Variants in ADK observed in about 807,000 individuals in gnomAD.
ADK encodes the protein N6,N6-dimethyladenosine kinase.
ADK carries 24 observed loss-of-function variants against 44.7 expected under a neutral mutation model. That is an observed-to-expected ratio of 0.54 (90% CI 0.39 to 0.76). The LOEUF is 0.76. ADK is among the 30% of genes least tolerant of loss of function. The probability of loss-of-function intolerance (pLI) is 0.00; values close to 1 mark genes in which losing one functional copy is unlikely to be tolerated. For missense variants in ADK, 321 were observed against 425.1 expected (o/e 0.76, Z 2.15); for synonymous variants, 128 against 142.6 (o/e 0.90, Z 0.73).
intron 4 of ADK, among the ~76,000 whole-genome samples, chr10:74,382,990 G>A (rs1843023068): frequency 6.6e-6 from 1 of 151,518 alleles, no homozygotes; most frequent in Non-Finnish European, 1.5e-5. Context: ...GCAATGATAG[G>A]GGCCCCTGGA....
At chr10:74,643,993 A>G (rs752527219) in intron 9 of ADK, among the ~76,000 whole-genome samples, 1 of 152,162 alleles carries the variant, frequency 6.6e-6, no homozygotes, top group South Asian at 2.1e-4. Context: ...CTGGGTTTCT[A>G]TCATCCTCTG....
At chr10:74,655,193 G>C in intron 9 of ADK, 1 of 317,704 alleles carries the variant, frequency 3.1e-6, no homozygotes, top group Non-Finnish European at 6.2e-6. Context: ...TCAAGAAGGA[G>C]AAACATGAAA....
chr10:74,391,827 T>C (rs1256849680), intron 4 of ADK, among the ~76,000 whole-genome samples: 1 of 152,150 alleles, frequency 6.6e-6, no homozygotes, highest in Non-Finnish European at 1.5e-5. Flanking sequence ...ACACTGAAAC[T>C]CTGTACCCAT....
chr10:74,577,870 C>T (rs933986819), intron 7 of ADK, among the ~76,000 whole-genome samples: 1 of 152,154 alleles, frequency 6.6e-6, no homozygotes, highest in Non-Finnish European at 1.5e-5. Flanking sequence ...CTTACTCTTA[C>T]CACTTTACTC....
At chr10:74,176,796 T>A in intron 1 of ADK, 1 of 1,596,536 alleles carries the variant, frequency 6.3e-7, no homozygotes, top group South Asian at 1.1e-5. Context: ...AAGCAGTTGC[T>A]GTGGTACCTG....
intron 7 of ADK, among the ~76,000 whole-genome samples, chr10:74,557,165 G>T (rs1850284766): frequency 6.6e-6 from 1 of 152,102 alleles, no homozygotes; most frequent in South Asian, 2.1e-4. Flanking sequence ...GGAAACCAGG[G>T]CTTTATTCTC....
intron 7 of ADK, among the ~76,000 whole-genome samples, chr10:74,561,860 C>G (rs1001635512): frequency 2.6e-5 from 4 of 152,170 alleles, no homozygotes; most frequent in African/African-American, 2.4e-5. Flanking sequence ...AGCCTAAGCT[C>G]TCTTTCAAAG....
At chr10:74,281,031 A>G (rs975446804) in intron 3 of ADK, among the ~76,000 whole-genome samples, 1 of 152,246 alleles carries the variant, frequency 6.6e-6, no homozygotes, top group Admixed American at 6.5e-5. Context: ...TTTGAAATTC[A>G]TAATGCTCCA....
intron 1 of ADK, among the ~76,000 whole-genome samples, chr10:74,160,042 A>G (rs1248154573): frequency 6.6e-6 from 1 of 152,222 alleles, no homozygotes; most frequent in Non-Finnish European, 1.5e-5. Context: ...CCAAAGGAAG[A>G]GAGTTTTTCT....
chr10:74,329,596 G>C (rs1283859809), intron 4 of ADK, among the ~76,000 whole-genome samples: 3 of 152,154 alleles, frequency 2.0e-5, no homozygotes. Context: ...AAGAAGATTG[G>C]TTGGATGGAT....
intron 7 of ADK, among the ~76,000 whole-genome samples, chr10:74,534,821 AC>A (rs1381087318): frequency 6.6e-6 from 1 of 152,218 alleles, no homozygotes; most frequent in Non-Finnish European, 1.5e-5. Flanking sequence ...GGGAAAACTC[AC>A]AGCTATTGGG....
intron 6 of ADK, among the ~76,000 whole-genome samples, chr10:74,432,156 T>C (rs1353544504): frequency 1.3e-5 from 2 of 152,222 alleles, no homozygotes; most frequent in Admixed American, 6.5e-5. Flanking sequence ...GTTGCACCAC[T>C]GCACTCCAGC....
chr10:74,469,195 C>T (rs547849538), intron 6 of ADK, among the ~76,000 whole-genome samples: 5 of 151,956 alleles, frequency 3.3e-5, no homozygotes, highest in East Asian at 3.9e-4. Context: ...GAAAATTAGC[C>T]GGGCATGATA....
At chr10:74,511,339 A>G (rs368436497) in intron 6 of ADK, among the ~76,000 whole-genome samples, 9 of 152,300 alleles carry the variant, frequency 5.9e-5, no homozygotes, top group African/African-American at 2.2e-4. Context: ...TGCTTCAGCT[A>G]TTCAGGGTTT....
intron 1 of ADK, among the ~76,000 whole-genome samples, chr10:74,193,075 T>C (rs1417535678): frequency 6.6e-6 from 1 of 152,232 alleles, no homozygotes; most frequent in Non-Finnish European, 1.5e-5. Flanking sequence ...TTTGTATTGT[T>C]ACCTTTAGCA....
intron 6 of ADK, among the ~76,000 whole-genome samples, chr10:74,490,146 A>G (rs1847424327): frequency 6.6e-6 from 1 of 152,018 alleles, no homozygotes; most frequent in African/African-American, 2.4e-5. Context: ...TGACATCTGA[A>G]TTTCAATAAG....
At chr10:74,507,793 T>C (rs936148286) in intron 6 of ADK, among the ~76,000 whole-genome samples, 7 of 152,150 alleles carry the variant, frequency 4.6e-5, no homozygotes, top group Non-Finnish European at 1.0e-4. Context: ...GTAAGACAAA[T>C]ACAAGTTGCT....
At chr10:74,170,984 A>G (rs938764484) in intron 1 of ADK, among the ~76,000 whole-genome samples, 1 of 152,126 alleles carries the variant, frequency 6.6e-6, no homozygotes, top group South Asian at 2.1e-4. Context: ...ATTTTTTTCT[A>G]TGCATATATG....
chr10:74,263,252 T>G (rs1235228113), intron 3 of ADK, among the ~76,000 whole-genome samples: 1 of 152,190 alleles, frequency 6.6e-6, no homozygotes, highest in Non-Finnish European at 1.5e-5. Flanking sequence ...AGAAAACATT[T>G]TTAGTGACAG....
Sources: allele counts gnomAD v4.1 joint callset (sites outside exome capture counted in the v4.1 genomes callset), GRCh38; gene constraint gnomAD v4.1.1; transcripts MANE v1.5; gene names NCBI Gene and HGNC (gene_info 2026-07-23, HGNC 2026-07-21).